The following SEMA3E variants were observed in gnomAD, a reference collection of about 807,000 sequenced individuals.
The protein encoded by SEMA3E is semaphorin 3E.
A neutral mutation model predicts 93.6 loss-of-function variants in SEMA3E; 49 were observed. The ratio of observed to expected loss-of-function variants is 0.52; its 90% CI spans 0.42 to 0.66. The LOEUF (loss-of-function observed/expected upper bound fraction) is 0.66. Among genes scored for constraint, SEMA3E ranks in the 30% least tolerant of loss-of-function variants. The pLI, the probability that SEMA3E is intolerant of heterozygous loss-of-function variation, is 0.00. For missense variants in SEMA3E, 906 were observed against 964.8 expected (o/e 0.94, Z 0.81); for synonymous variants, 363 against 330.7 (o/e 1.10, Z -1.06).
intron 1 of SEMA3E, among the ~76,000 whole-genome samples, chr7:83,613,253 T>C (rs1197986014): frequency 1.3e-5 from 2 of 152,014 alleles, no homozygotes; most frequent in Non-Finnish European, 2.9e-5. Context: ...CCTGCCTTTC[T>C]CCTCATCCTC....
At chr7:83,630,896 T>G (rs1481092390) in intron 1 of SEMA3E, among the ~76,000 whole-genome samples, 1 of 152,200 alleles carries the variant, frequency 6.6e-6, no homozygotes, top group Non-Finnish European at 1.5e-5. Context: ...TTTTAACGCA[T>G]AAAGTCTTTT....
At chr7:83,456,097 C>T (rs968177585) in intron 4 of SEMA3E, among the ~76,000 whole-genome samples, 10 of 152,148 alleles carry the variant, frequency 6.6e-5, no homozygotes, top group Admixed American at 3.3e-4. Context: ...CAAATAGTAA[C>T]GTGCTAATAT....
At chr7:83,562,255 G>C (rs1427894302) in intron 1 of SEMA3E, among the ~76,000 whole-genome samples, 1 of 151,854 alleles carries the variant, frequency 6.6e-6, no homozygotes, top group Non-Finnish European at 1.5e-5. Context: ...ATTTTTTTGT[G>C]ATTTTTTTCA....
chr7:83,368,875 A>G (rs773599345), intron 16 of SEMA3E, among the ~76,000 whole-genome samples: 13 of 152,224 alleles, frequency 8.5e-5, no homozygotes, highest in Non-Finnish European at 1.6e-4. Flanking sequence ...GACATTAGGC[A>G]GAGTTAGAGT....
At chr7:83,581,596 C>A (rs1792519228) in intron 1 of SEMA3E, among the ~76,000 whole-genome samples, 1 of 151,810 alleles carries the variant, frequency 6.6e-6, no homozygotes, top group Non-Finnish European at 1.5e-5. Flanking sequence ...GAATTTTGCA[C>A]CATGGAAAAG....
chr7:83,632,813 C>A (rs1468646440), intron 1 of SEMA3E, among the ~76,000 whole-genome samples: 3 of 152,164 alleles, frequency 2.0e-5, no homozygotes, highest in Non-Finnish European at 2.9e-5. Context: ...TAAGTACTTG[C>A]TCTTCACTGG....
At chr7:83,555,450 TA>T (rs1453995050) in intron 1 of SEMA3E, among the ~76,000 whole-genome samples, 1 of 152,190 alleles carries the variant, frequency 6.6e-6, no homozygotes, top group African/African-American at 2.4e-5. Flanking sequence ...ACCATAAAGA[TA>T]AAAGCATGTG....
chr7:83,590,785 G>A (rs983034402), intron 1 of SEMA3E, among the ~76,000 whole-genome samples: 1 of 152,082 alleles, frequency 6.6e-6, no homozygotes, highest in Non-Finnish European at 1.5e-5. Flanking sequence ...GAATCAGAGG[G>A]TGAAATCATG....
intron 14 of SEMA3E, among the ~76,000 whole-genome samples, chr7:83,391,823 A>T (rs1038835377): frequency 1.3e-5 from 2 of 152,194 alleles, no homozygotes; most frequent in Non-Finnish European, 2.9e-5. Flanking sequence ...TTTCAGTAAG[A>T]AAATTGTCTA....
At chr7:83,596,212 G>T (rs2115964874) in intron 1 of SEMA3E, among the ~76,000 whole-genome samples, 1 of 152,026 alleles carries the variant, frequency 6.6e-6, no homozygotes. Flanking sequence ...CCATTGTGAG[G>T]TTTTTCAGGT....
intron 9 of SEMA3E, 97 bp downstream of exon 9, chr7:83,405,353 G>A (rs551588487): frequency 5.8e-6 from 5 of 859,086 alleles, no homozygotes; most frequent in African/African-American, 1.7e-5. Flanking sequence ...AGAGCAACTG[G>A]GTCAATAGTC....
intron 1 of SEMA3E, among the ~76,000 whole-genome samples, chr7:83,621,644 C>A (rs982048325): frequency 3.0e-4 from 45 of 152,046 alleles, no homozygotes; most frequent in Non-Finnish European, 4.9e-4. Context: ...CAAAAACAGA[C>A]ACATTGACCG....
chr7:83,554,357 A>G (rs928950680), intron 1 of SEMA3E, among the ~76,000 whole-genome samples: 2 of 152,202 alleles, frequency 1.3e-5, no homozygotes, highest in African/African-American at 4.8e-5. Context: ...GTCCTCATAG[A>G]AAAGTTGAAA....
chr7:83,629,830 G>T (rs576417899), intron 1 of SEMA3E, among the ~76,000 whole-genome samples: 1 of 152,204 alleles, frequency 6.6e-6, no homozygotes, highest in Admixed American at 6.5e-5. Flanking sequence ...AGGCACCACT[G>T]GGGTATGAAA....
intron 4 of SEMA3E, among the ~76,000 whole-genome samples, chr7:83,429,024 G>A (rs1788829932): frequency 6.6e-6 from 1 of 152,070 alleles, no homozygotes; most frequent in African/African-American, 2.4e-5. Flanking sequence ...TGTTTGCGTT[G>A]TTAGGTGTGG....
At chr7:83,515,261 A>T (rs951623939) in intron 1 of SEMA3E, among the ~76,000 whole-genome samples, 2 of 149,454 alleles carry the variant, frequency 1.3e-5, no homozygotes, top group African/African-American at 4.9e-5. Flanking sequence ...TTTGTGTAGC[A>T]CTTTTTAAAC....
intron 4 of SEMA3E, among the ~76,000 whole-genome samples, chr7:83,451,643 GC>G (rs1789361231): frequency 6.6e-6 from 1 of 152,210 alleles, no homozygotes; most frequent in South Asian, 2.1e-4. Flanking sequence ...TGCATTGTGT[GC>G]TTGACAGAAA....
intron 1 of SEMA3E, among the ~76,000 whole-genome samples, chr7:83,622,970 T>C (rs1168701686): frequency 6.6e-6 from 1 of 152,110 alleles, no homozygotes; most frequent in Non-Finnish European, 1.5e-5. Context: ...CCCGCACATG[T>C]ACCTTGGAAC....
chr7:83,383,670 T>C (rs1314418208), intron 16 of SEMA3E, among the ~76,000 whole-genome samples: 1 of 151,964 alleles, frequency 6.6e-6, no homozygotes, highest in East Asian at 1.9e-4. Flanking sequence ...AATGGAGAAG[T>C]AGATTATATC....
Sources: allele counts gnomAD v4.1 joint callset (sites outside exome capture counted in the v4.1 genomes callset), GRCh38; gene constraint gnomAD v4.1.1; transcripts MANE v1.5; gene names NCBI Gene and HGNC (gene_info 2026-07-23, HGNC 2026-07-21).